Variants in SIPA1L3 observed in about 807,000 individuals in gnomAD.
SIPA1L3 encodes signal-induced proliferation-associated 1-like protein 3.
In SIPA1L3, 59 loss-of-function variants were observed where a neutral mutation model predicts 150.1. The ratio of observed to expected loss-of-function variants is 0.39; its 90% CI spans 0.32 to 0.49. SIPA1L3 has a LOEUF of 0.49. SIPA1L3 is among the 20% of genes least tolerant of loss of function. SIPA1L3 has a pLI of 0.86. For missense variants in SIPA1L3, 2,211 were observed against 2,489.5 expected (o/e 0.89, Z 2.38); for synonymous variants, 1,070 against 1,077.6 (o/e 0.99, Z 0.14).
intron 1 of SIPA1L3, among the ~76,000 whole-genome samples, chr19:37,913,363 C>T (rs1568461667): frequency 6.6e-6 from 1 of 152,126 alleles, no homozygotes; most frequent in Non-Finnish European, 1.5e-5. Context: ...CTAGGGTTTA[C>T]ATTCTAGCCA....
At chr19:37,996,019 G>T (rs1287857575) in intron 1 of SIPA1L3, among the ~76,000 whole-genome samples, 1 of 152,080 alleles carries the variant, frequency 6.6e-6, no homozygotes, top group Non-Finnish European at 1.5e-5. Context: ...GCCTCAAGCA[G>T]TCTTCCCACC....
At chr19:38,037,419 C>G (rs1269471414) in intron 2 of SIPA1L3, among the ~76,000 whole-genome samples, 1 of 152,150 alleles carries the variant, frequency 6.6e-6, no homozygotes, top group African/African-American at 2.4e-5. Flanking sequence ...CTTGACTCTG[C>G]GAAGGAACTG....
At chr19:38,014,894 C>T (rs927911702) in intron 1 of SIPA1L3, among the ~76,000 whole-genome samples, 3 of 152,086 alleles carry the variant, frequency 2.0e-5, no homozygotes, top group Non-Finnish European at 4.4e-5. Context: ...TGGTCTCGAT[C>T]TCCTGACCTC....
At chr19:37,998,060 T>G (rs762252118) in intron 1 of SIPA1L3, among the ~76,000 whole-genome samples, 2 of 152,166 alleles carry the variant, frequency 1.3e-5, no homozygotes, top group African/African-American at 2.4e-5. Context: ...CAAGTAGCTT[T>G]ACCTCTCTGT....
At chr19:37,910,490 T>C (rs1393935710) in intron 1 of SIPA1L3, among the ~76,000 whole-genome samples, 1 of 150,534 alleles carries the variant, frequency 6.6e-6, no homozygotes, top group African/African-American at 2.5e-5. Context: ...GATTGCAGCA[T>C]TGCACTCCAG....
chr19:38,063,884 C>T (rs756489075), intron 2 of SIPA1L3, among the ~76,000 whole-genome samples: 9 of 152,236 alleles, frequency 5.9e-5, no homozygotes, highest in Non-Finnish European at 8.8e-5. Context: ...GCGGCTTGAT[C>T]ATGAGCCTGG....
intron 1 of SIPA1L3, among the ~76,000 whole-genome samples, chr19:37,912,957 G>A (rs1389746979): frequency 1.3e-5 from 2 of 152,216 alleles, no homozygotes; most frequent in Non-Finnish European, 2.9e-5. Flanking sequence ...CCTGACCACA[G>A]TGGGTGGTGG....
chr19:38,006,290 A>G (rs953024816), intron 1 of SIPA1L3, among the ~76,000 whole-genome samples: 4 of 152,142 alleles, frequency 2.6e-5, no homozygotes, highest in African/African-American at 9.7e-5. Context: ...AAGCAGCATG[A>G]GTGAGGTGGG....
chr19:38,077,451 T>TA (rs969734128), intron 2 of SIPA1L3, among the ~76,000 whole-genome samples: 2 of 151,178 alleles, frequency 1.3e-5, no homozygotes, highest in East Asian at 3.9e-4. Context: ...ACCCTGTCTC[T>TA]AAAAAAAATA....
At chr19:38,137,289 A>T (rs371888319) in intron 10 of SIPA1L3, among the ~76,000 whole-genome samples, 1 of 152,036 alleles carries the variant, frequency 6.6e-6, no homozygotes, top group African/African-American at 2.4e-5. Context: ...CCCAGGTTCA[A>T]GCGATCCTCC....
chr19:38,073,822 C>T (rs1215197189), intron 2 of SIPA1L3, among the ~76,000 whole-genome samples: 3 of 152,190 alleles, frequency 2.0e-5, no homozygotes, highest in African/African-American at 4.8e-5. Context: ...AAACCTCGCA[C>T]GGAGTCCTAG....
At chr19:38,132,315 T>G (rs987796830) in intron 10 of SIPA1L3, among the ~76,000 whole-genome samples, 1 of 151,520 alleles carries the variant, frequency 6.6e-6, no homozygotes, top group Non-Finnish European at 1.5e-5. Flanking sequence ...ACCTCAGCAC[T>G]TCGGGAGGCC....
chr19:38,019,234 C>T (rs541232504), intron 1 of SIPA1L3, among the ~76,000 whole-genome samples: 1 of 152,320 alleles, frequency 6.6e-6, no homozygotes, highest in South Asian at 2.1e-4. Context: ...CAGAGATAGG[C>T]AGTCCGTGCC....
intron 18 of SIPA1L3, among the ~76,000 whole-genome samples, chr19:38,197,220 C>T (rs890075593): frequency 4.6e-5 from 7 of 152,226 alleles, no homozygotes; most frequent in South Asian, 2.1e-4. Flanking sequence ...GCTGGGCCCA[C>T]GGTCAGGCTC....
intron 15 of SIPA1L3, among the ~76,000 whole-genome samples, chr19:38,168,699 G>A (rs1174888070): frequency 6.6e-6 from 1 of 152,042 alleles, no homozygotes; most frequent in Non-Finnish European, 1.5e-5. Context: ...TGGGAGGGTG[G>A]GTATGAAATA....
chr19:38,089,387 C>T (rs1162273124), intron 4 of SIPA1L3, among the ~76,000 whole-genome samples: 1 of 150,840 alleles, frequency 6.6e-6, no homozygotes, highest in Non-Finnish European at 1.5e-5. Context: ...ATCAGTGAAC[C>T]AGTAGCCAGA....
intron 1 of SIPA1L3, among the ~76,000 whole-genome samples, chr19:38,015,427 A>G (rs758845844): frequency 2.6e-5 from 4 of 152,082 alleles, no homozygotes; most frequent in Non-Finnish European, 5.9e-5. Flanking sequence ...AAGTGTGGCA[A>G]GTAAAAAAGA....
At chr19:38,159,412 C>T (rs1028688001) in intron 13 of SIPA1L3, among the ~76,000 whole-genome samples, 37 of 152,222 alleles carry the variant, frequency 2.4e-4, no homozygotes, top group African/African-American at 8.9e-4. Context: ...CAGTGACCTC[C>T]TCCCCCTCAG....
chr19:38,139,229 C>T (rs1454514429), intron 10 of SIPA1L3, among the ~76,000 whole-genome samples: 2 of 152,116 alleles, frequency 1.3e-5, no homozygotes, highest in African/African-American at 4.8e-5. Flanking sequence ...CGTTATCTCT[C>T]GTTGGCCCTG....
Sources: gnomAD v4.1 joint callset for allele counts (sites outside exome capture counted in the v4.1 genomes callset) on GRCh38, gnomAD v4.1.1 for gene constraint, MANE v1.5 for transcripts, NCBI Gene and HGNC (gene_info 2026-07-23, HGNC 2026-07-21) for gene names.